ADCY9: variants seen among roughly 807,000 people sequenced by gnomAD.
ADCY9 encodes adenylate cyclase 9, also known as adenylate cyclase type 9.
A neutral mutation model predicts 101.5 loss-of-function variants in ADCY9; 50 were observed. The observed-to-expected ratio is 0.49, with a 90% CI of 0.39 to 0.62. The LOEUF is 0.62. Among genes scored for constraint, ADCY9 ranks in the 20% least tolerant of loss-of-function variants. The probability of loss-of-function intolerance (pLI) is 0.00; values close to 1 mark genes in which losing one functional copy is unlikely to be tolerated. For missense variants in ADCY9, 1,662 were observed against 1,800.4 expected, an observed-to-expected ratio of 0.92 and a Z score of 1.39; for synonymous variants, 905 against 769.3, an observed-to-expected ratio of 1.18 and a Z score of -2.92.
At chr16:4,007,676 G>GTA in intron 2 of ADCY9, 118 bp from the exon 3 acceptor site, 2 of 823,550 alleles carry the variant, frequency 2.4e-6, no homozygotes, top group Non-Finnish European at 3.7e-6. Context: ...AAGTGAAAAT[G>GTA]TGAATAGGTC....
At chr16:4,097,188 C>T (rs531144231) in intron 2 of ADCY9, among the ~76,000 whole-genome samples, 23 of 152,118 alleles carry the variant, frequency 1.5e-4, no homozygotes, top group South Asian at 1.0e-3. Flanking sequence ...ACGCCCTCAG[C>T]GCAGCACCTC....
At position 4,114,916 on chromosome 16, in the gene ADCY9, G is replaced by A. The variant is rs1478370114; in HGVS notation, c.527C>T (p.Ser176Leu). 1 of 1,613,914 alleles carries A rather than the reference G, an allele frequency of 6.2e-7. No individual in the cohort carries two copies. The highest frequency in any genetic ancestry group is 1.1e-5 in the South Asian group (1 of 91,092). The change falls in exon 2 of 11, where the codon TCG (serine) becomes TTG (leucine). Residue 176 changes from serine (S) to leucine (L), a missense_variant. Physicochemically the swap from Ser to Leu is moderately radical, Grantham distance 145. Around this residue, in one of 5 missense-constraint regions of ADCY9, gnomAD observed 422 missense variants for 392.0 expected, o/e 1.08. Coordinates refer to ENST00000294016, the MANE Select transcript of ADCY9 (RefSeq NM_001116.4). This position sits in a 1 kb window ranked among gnomAD's most constrained non-coding sequence, Gnocchi z 4.3. ...GAACACCAGCAGGGTGAGAGCCAGC[G>A]AGGTCCACGCGTAATGCCGGGCGTA... is the stretch of plus-strand genomic sequence containing the variant. The part of the protein sequence containing the change: ...KLYARHYAWT[S>L]LALTLLVFAL...
intron 9 of ADCY9, among the ~76,000 whole-genome samples, chr16:3,975,934 A>C (rs2056089089): frequency 6.6e-6 from 1 of 152,234 alleles, no homozygotes; most frequent in Non-Finnish European, 1.5e-5. Flanking sequence ...TTAGTTGAAA[A>C]GGCTTAAAAT....
At chr16:3,967,473 C>T (rs1157842911) in intron 10 of ADCY9, among the ~76,000 whole-genome samples, 1 of 151,976 alleles carries the variant, frequency 6.6e-6, no homozygotes, top group African/African-American at 2.4e-5. Flanking sequence ...TCACTGCAGC[C>T]TTAAACTCCT....
intron 2 of ADCY9, among the ~76,000 whole-genome samples, chr16:4,013,173 G>A (rs561473806): frequency 1.2e-3 from 189 of 152,128 alleles, no homozygotes; most frequent in African/African-American, 3.5e-3. Flanking sequence ...ACTTGAGCCC[G>A]GGAGGTTGAG....
chr16:4,091,511 G>A lies in ADCY9; in HGVS notation c.1693+22239C>T, dbSNP rs148238516. Among the ~76,000 whole-genome samples the A allele has an allele frequency of 3.9e-3, 587 of 152,292 alleles. 3 individuals are homozygous for A. The highest frequency in any genetic ancestry group is 0.014 in the African/African-American group (564 of 41,556). On this transcript the variant is annotated intron_variant, in intron 2 of 10. Coordinates refer to ENST00000294016, the MANE Select transcript of ADCY9 (RefSeq NM_001116.4). ...TACTCAAACAAAAACGTGTACACGAGTGTTCCCAGCAGCACCATCCACAAT... is the reference window on the plus strand; with the variant it reads ...TACTCAAACAAAAACGTGTACACGAATGTTCCCAGCAGCACCATCCACAAT...
At position 3,983,390 on chromosome 16, in the gene ADCY9, G is replaced by A; in HGVS notation, c.2361C>T (p.Ser787=). ...TGGTCGACAGAAACACATCCAGGAG[G>A]GAGCTGAAGGTGGGACTAGCAAACG... ...VKTFASPTFS[S]LLDVFLSTTV... Residue 787 remains serine (S), a synonymous_variant, in exon 7 of 11, where the codon TCC becomes TCT. Transcript: ENST00000294016. 6.2e-7 allele frequency: 1 copy of A among 1,608,492 alleles called. No homozygotes were observed. The highest frequency in any genetic ancestry group is 8.5e-7 in the Non-Finnish European group (1 of 1,177,094).
Position 3,965,671 on chromosome 16 carries a change from C to G in ADCY9, c.*104G>C. The G allele has an allele frequency of 1.9e-6, 2 of 1,040,262 alleles. No homozygotes were observed. Among genetic ancestry groups the G allele is most frequent in the Non-Finnish European group, 2.8e-6 (2 of 712,884 alleles). The allele number at this position is 1,040,262 out of a possible 1,614,324, so 64.4% of individuals were successfully genotyped here. A position where few individuals can be genotyped will look rare whatever the true frequency, so the allele number is the denominator to read the frequency against. On this transcript the variant is annotated 3_prime_UTR_variant, in exon 11 of 11. Coordinates refer to ENST00000294016, the MANE Select transcript of ADCY9 (RefSeq NM_001116.4). ...GGGCTGAAATGACCACATAACACCA[C>G]GTCCGGGGAGGGCAACTGTGGCGCT...
intron 2 of ADCY9, among the ~76,000 whole-genome samples, chr16:4,039,534 C>A (rs989694309): frequency 6.6e-6 from 1 of 151,804 alleles, no homozygotes; most frequent in African/African-American, 2.4e-5. Flanking sequence ...CAAAAATTAG[C>A]CAGGCACGGT....
intron 9 of ADCY9, among the ~76,000 whole-genome samples, chr16:3,977,128 T>C (rs1465004988): frequency 6.6e-6 from 1 of 152,244 alleles, no homozygotes; most frequent in Admixed American, 6.5e-5. Context: ...CGCTCTTTCA[T>C]GGCCTTGACC....
intron 2 of ADCY9, among the ~76,000 whole-genome samples, chr16:4,020,592 C>T (rs1397439042): frequency 1.3e-5 from 2 of 152,032 alleles, no homozygotes; most frequent in African/African-American, 2.4e-5. Context: ...GAGGCTGAGG[C>T]GGGTGGATCA....
intron 2 of ADCY9, among the ~76,000 whole-genome samples, chr16:4,037,541 TGATA>T (rs1221677001): frequency 1.3e-5 from 2 of 152,166 alleles, no homozygotes; most frequent in African/African-American, 4.8e-5. Flanking sequence ...GGTATCCCTT[TGATA>T]GATCGATTTC....
rs550864712 is a variant in ADCY9, at chr16:4,017,380, C to T, written c.1694-9822G>A. Among the ~76,000 whole-genome samples the T allele has an allele frequency of 6.7e-5, 10 of 150,148 alleles. 1 individual carries two copies. The South Asian group carries it at 2.1e-3, about 32-fold the overall frequency. On this transcript the variant is annotated intron_variant, in intron 2 of 10. Transcript: ENST00000294016. ...ATAATGTGGGCCAGGCATGGTGGCT[C>T]ACACCTGTAATCCCAGCACTTTGGG...
intron 2 of ADCY9, among the ~76,000 whole-genome samples, chr16:4,057,694 T>C (rs184220091): frequency 7.6e-4 from 116 of 152,010 alleles, no homozygotes; most frequent in Non-Finnish European, 1.4e-3. Context: ...TCTGAAGGAG[T>C]GATTTCTTGT....
At chr16:4,047,347 A>G (rs2056672119) in intron 2 of ADCY9, among the ~76,000 whole-genome samples, 1 of 152,160 alleles carries the variant, frequency 6.6e-6, no homozygotes, top group South Asian at 2.1e-4. Context: ...CTTAGCAAAA[A>G]TCATCTAAAC....
At chr16:4,070,994 C>A (rs2056830121) in intron 2 of ADCY9, among the ~76,000 whole-genome samples, 1 of 151,602 alleles carries the variant, frequency 6.6e-6, no homozygotes, top group African/African-American at 2.4e-5. Context: ...AATAATATAA[C>A]CACAACTTTT....
At position 3,966,814 on chromosome 16, in the gene ADCY9, T is replaced by C. The variant is rs2056001996; in HGVS notation, c.3023A>G (p.Tyr1008Cys). 1.9e-6 allele frequency: 3 copies of C among 1,614,116 alleles called. No homozygotes were observed. The highest frequency in any genetic ancestry group is 2.5e-6 in the Non-Finnish European group (3 of 1,180,020). ...AAGATCCGCTTCCACGTCTCCGTGG[T>C]AGTGGAGGCGGTAGCTGACTTCAAA... ...REFEVSYRLH[Y>C]HGDVEADLHR... is the part of the protein sequence containing the mutation. The change falls in exon 11 of 11, where the codon TAC becomes TGC. Residue 1008 changes from tyrosine (Y) to cysteine (C), a missense_variant. Transcript: ENST00000294016.
At chr16:3,955,715 A>C (rs1555504533) in intron 5 of ADCY9, among the ~76,000 whole-genome samples, 3 of 151,770 alleles carry the variant, frequency 2.0e-5, no homozygotes, top group Admixed American at 1.3e-4. Context: ...CGCCCAGCTA[A>C]TTTTTTTGTA....
Position 4,115,107 on chromosome 16 carries a change from G to A in ADCY9, c.336C>T (p.Thr112=). 2 of 1,613,858 alleles carry A rather than the reference G, an allele frequency of 1.2e-6. No individual in the cohort carries two copies. The highest frequency in any genetic ancestry group is 1.7e-6 in the Non-Finnish European group (2 of 1,180,032). ...AGAGCGCATACCGGAACCGGCGCTG[G>A]GTCTGCGGGAAGCAGCGCTCCAGGC... The part of the protein sequence containing the change: ...EACLERCFPQ[T]QRRFRYALFY... Residue 112 remains threonine (T), a synonymous_variant, in exon 2 of 11, where the codon ACC becomes ACT. Coordinates refer to ENST00000294016, the MANE Select transcript of ADCY9 (RefSeq NM_001116.4). The surrounding 1 kb of genome is among the most constrained non-coding windows in gnomAD (Gnocchi z 6.2).
Sources: allele counts gnomAD v4.1 joint callset (sites outside exome capture counted in the v4.1 genomes callset), GRCh38; gene constraint gnomAD v4.1.1; regional missense constraint gnomAD v4.1.1; non-coding constraint Gnocchi (gnomAD v3.1); transcripts MANE v1.5; gene names NCBI Gene and HGNC (gene_info 2026-07-23, HGNC 2026-07-21).